NAALADL2: variants seen among roughly 807,000 people sequenced by gnomAD.
NAALADL2 encodes N-acetylated alpha-linked acidic dipeptidase like 2.
Under a neutral mutation model 87.2 loss-of-function variants are expected in NAALADL2, and 76 were observed. The observed-to-expected ratio is 0.87, with a 90% CI of 0.72 to 1.05. The LOEUF (loss-of-function observed/expected upper bound fraction) is 1.05, where lower values mean the gene tolerates loss of function less well. NAALADL2 is among the 50% of genes least tolerant of loss of function. The pLI is 0.00. For synonymous variants in NAALADL2, 354 were observed against 331.0 expected, an observed-to-expected ratio of 1.07 and a Z score of -0.75; for missense variants, 1,089 against 945.8, an observed-to-expected ratio of 1.15 and a Z score of -1.99.
At chr3:175,110,554 T>A (rs1469471079) in intron 2 of NAALADL2, among the ~76,000 whole-genome samples, 1 of 151,824 alleles carries the variant, frequency 6.6e-6, no homozygotes, top group Non-Finnish European at 1.5e-5. Flanking sequence ...GAGGATTTGA[T>A]AACACTCAGT....
intron 3 of NAALADL2, among the ~76,000 whole-genome samples, chr3:175,253,260 C>T (rs1222230027): frequency 6.6e-6 from 1 of 152,174 alleles, no homozygotes; most frequent in Non-Finnish European, 1.5e-5. Context: ...TGCTCATTTA[C>T]CATTCTAAAA....
chr3:175,524,984 G>T (rs1733180855), intron 9 of NAALADL2, among the ~76,000 whole-genome samples: 1 of 152,068 alleles, frequency 6.6e-6, no homozygotes. Flanking sequence ...CAAAAAGAAG[G>T]CAGGATCAAA....
intron 4 of NAALADL2, among the ~76,000 whole-genome samples, chr3:175,323,714 C>G (rs12497279): frequency 0.18 from 27,049 of 150,418 alleles, 2,691 homozygotes; most frequent in East Asian, 0.24. Flanking sequence ...AATCTAAAAT[C>G]TCTGCTTATT....
intron 5 of NAALADL2, among the ~76,000 whole-genome samples, chr3:175,428,799 A>G (rs998288769): frequency 5.3e-5 from 8 of 152,104 alleles, no homozygotes; most frequent in African/African-American, 1.9e-4. Flanking sequence ...ACAAGCTTTC[A>G]AAACCCTAAA....
intron 1 of NAALADL2, among the ~76,000 whole-genome samples, chr3:174,526,465 A>G (rs1314800197): frequency 6.6e-6 from 1 of 152,196 alleles, no homozygotes; most frequent in Non-Finnish European, 1.5e-5. Flanking sequence ...TTGACTAGTA[A>G]ATAGTTAAAT....
chr3:175,657,519 T>C (rs1022640318), intron 11 of NAALADL2, among the ~76,000 whole-genome samples: 5 of 151,802 alleles, frequency 3.3e-5, no homozygotes, highest in Non-Finnish European at 7.4e-5. Context: ...GCTAATTTAA[T>C]TGAGGCTTGG....
intron 2 of NAALADL2, among the ~76,000 whole-genome samples, chr3:174,556,023 G>T (rs1343381722): frequency 6.6e-6 from 1 of 151,630 alleles, no homozygotes; most frequent in African/African-American, 2.4e-5. Context: ...GCACGTGAGT[G>T]TGTTTCTTCT....
chr3:175,297,069 T>C (rs2110190153), intron 4 of NAALADL2, among the ~76,000 whole-genome samples: 1 of 152,276 alleles, frequency 6.6e-6, no homozygotes, highest in South Asian at 2.1e-4. Context: ...AAATAAAGTT[T>C]TATTGGAATA....
At chr3:175,193,672 A>G (rs1376669228) in intron 2 of NAALADL2, among the ~76,000 whole-genome samples, 1 of 151,934 alleles carries the variant, frequency 6.6e-6, no homozygotes. Context: ...TTAAAAAACA[A>G]AAAACAAAAA....
At chr3:174,878,353 C>A (rs563001744) in intron 1 of NAALADL2, among the ~76,000 whole-genome samples, 22 of 152,104 alleles carry the variant, frequency 1.4e-4, no homozygotes, top group Admixed American at 4.6e-4. Flanking sequence ...TGAGTCTACT[C>A]AGTGGGATTT....
At chr3:175,172,177 T>A (rs980323225) in intron 2 of NAALADL2, among the ~76,000 whole-genome samples, 1 of 152,130 alleles carries the variant, frequency 6.6e-6, no homozygotes, top group African/African-American at 2.4e-5. Flanking sequence ...CAAATACGTG[T>A]AATGTTATGT....
At chr3:174,988,995 C>A (rs1199821139) in intron 1 of NAALADL2, among the ~76,000 whole-genome samples, 2 of 152,150 alleles carry the variant, frequency 1.3e-5, no homozygotes, top group Non-Finnish European at 2.9e-5. Context: ...AAGCTCTTTT[C>A]ACTCACAGTG....
chr3:175,201,869 G>C (rs925615414), intron 2 of NAALADL2, among the ~76,000 whole-genome samples: 13 of 151,662 alleles, frequency 8.6e-5, no homozygotes, highest in African/African-American at 2.9e-4. Context: ...ATTTGGAGGA[G>C]GTAGTGGGAT....
At chr3:174,781,978 C>T (rs574828636) in intron 3 of NAALADL2, among the ~76,000 whole-genome samples, 45 of 151,938 alleles carry the variant, frequency 3.0e-4, no homozygotes, top group Non-Finnish European at 5.4e-4. Context: ...ATTTTTATGC[C>T]CCAGGAGACA....
chr3:175,194,836 C>G (rs953680933), intron 2 of NAALADL2, among the ~76,000 whole-genome samples: 2 of 151,500 alleles, frequency 1.3e-5, no homozygotes, highest in Admixed American at 6.6e-5. Context: ...AGTTATAATA[C>G]TAAGAGTATC....
chr3:174,966,220 G>A lies in NAALADL2; in HGVS notation c.43+106770G>A, dbSNP rs892453212. Among the ~76,000 whole-genome samples, 9 of 152,160 alleles carry A rather than the reference G, an allele frequency of 5.9e-5. No homozygotes were observed. In the East Asian group the frequency reaches 1.5e-3, roughly 26 times the overall value. On this transcript the variant is annotated intron_variant, in intron 1 of 13. Transcript: ENST00000454872. ...AATTAAGCTCTAGGTCAAAAACTTT[G>A]TTTCTCCTTGATCTTGAAGGCCAAG...
chr3:174,869,668 C>G (rs1221534876), intron 1 of NAALADL2, among the ~76,000 whole-genome samples: 1 of 152,088 alleles, frequency 6.6e-6, no homozygotes, highest in South Asian at 2.1e-4. Context: ...ATAAAAAGAT[C>G]GGCTAGCCGC....
intron 1 of NAALADL2, among the ~76,000 whole-genome samples, chr3:174,909,083 G>C (rs892185881): frequency 2.0e-5 from 3 of 151,914 alleles, no homozygotes; most frequent in African/African-American, 7.3e-5. Flanking sequence ...AAATATGCAT[G>C]TAACAGTATT....
At chr3:174,860,303 C>T (rs919008640) in intron 1 of NAALADL2, among the ~76,000 whole-genome samples, 4 of 151,990 alleles carry the variant, frequency 2.6e-5, no homozygotes, top group African/African-American at 4.8e-5. Context: ...GCTTAAGAAT[C>T]CCCGTATCTT....
Sources: allele counts gnomAD v4.1 joint callset (sites outside exome capture counted in the v4.1 genomes callset), GRCh38; gene constraint gnomAD v4.1.1; transcripts MANE v1.5; gene names NCBI Gene and HGNC (gene_info 2026-07-23, HGNC 2026-07-21).